Variants in MIER3 observed in about 807,000 individuals in gnomAD.
The protein encoded by MIER3 is MIER family member 3, also known as mesoderm induction early response protein 3.
MIER3 carries 9 observed loss-of-function variants against 63.2 expected under a neutral mutation model. That is an observed-to-expected ratio of 0.14 (90% CI 0.09 to 0.25). The LOEUF is 0.25. MIER3 is among the 10% of genes least tolerant of loss of function. The probability of loss-of-function intolerance (pLI) is 1.00; values close to 1 mark genes in which losing one functional copy is unlikely to be tolerated. For missense variants in MIER3, 512 were observed against 666.2 expected (o/e 0.77, Z 2.55); for synonymous variants, 205 against 224.9 (o/e 0.91, Z 0.79).
At chr5:56,940,970 T>C (rs774756256) in intron 3 of MIER3, 15 of 985,268 alleles carry the variant, frequency 1.5e-5, no homozygotes, top group African/African-American at 1.7e-5. Flanking sequence ...TCACACTCTC[T>C]CCCTGAAATG....
At chr5:56,930,560 A>G (rs1305710306) in intron 9 of MIER3, 104 bp downstream of exon 9, 6 of 924,754 alleles carry the variant, frequency 6.5e-6, no homozygotes, top group South Asian at 1.4e-5. Context: ...CAGATCTTAC[A>G]AAAGTGTTAC....
At chr5:56,941,313 T>G (rs1750638191) in intron 3 of MIER3, 2 of 206,022 alleles carry the variant, frequency 9.7e-6, no homozygotes, top group Admixed American at 1.3e-4. Context: ...AAGACTGAGC[T>G]AAGTCTTGAA....
intron 11 of MIER3, 39 bp downstream of exon 11, chr5:56,923,876 T>A (rs1427398007): frequency 6.2e-7 from 1 of 1,613,852 alleles, no homozygotes; most frequent in African/African-American, 1.3e-5. Flanking sequence ...TATATTACAG[T>A]TAAAAGTAAG....
chr5:56,938,845 A>T, intron 4 of MIER3, 38 bp downstream of exon 4: 1 of 1,602,810 alleles, frequency 6.2e-7, no homozygotes, highest in Non-Finnish European at 8.5e-7. Context: ...GTCAATGGTA[A>T]CAGACCCTGA....
At chr5:56,948,921 C>T (rs1750920546) in intron 2 of MIER3, among the ~76,000 whole-genome samples, 1 of 152,118 alleles carries the variant, frequency 6.6e-6, no homozygotes, top group Admixed American at 6.5e-5. Context: ...GGTCAAAAAT[C>T]GAAGGACCTG....
chr5:56,941,777 G>A (rs1403842255), intron 3 of MIER3, among the ~76,000 whole-genome samples: 1 of 152,104 alleles, frequency 6.6e-6, no homozygotes, highest in Non-Finnish European at 1.5e-5. Flanking sequence ...AGTTAAGAAG[G>A]GTGGAGAGAT....
intron 10 of MIER3, among the ~76,000 whole-genome samples, chr5:56,924,652 C>T (rs1283152690): frequency 6.6e-6 from 1 of 152,150 alleles, no homozygotes; most frequent in African/African-American, 2.4e-5. Context: ...GTTTTTAGAT[C>T]CAACAGATTT....
At chr5:56,937,400 A>G (rs74389167) in intron 5 of MIER3, among the ~76,000 whole-genome samples, 178 bp downstream of exon 5, 1,629 of 152,312 alleles carry the variant, frequency 0.011, 13 homozygotes, top group Non-Finnish European at 0.016. Flanking sequence ...TTTAAATGGC[A>G]TATTAGTTCA....
rs1222329397 is a variant in MIER3, at chr5:56,933,679, T to C, written c.596-281A>G. The stretch of plus-strand genomic sequence containing the variant: ...TCTCCATGCCTAGTAAAGTCTAATA[T>C]AAAACCCCATAGTGGTTATCTTATA... On this transcript the variant is annotated intron_variant, in intron 7 of 12. Coordinates refer to ENST00000381199, the MANE Select transcript of MIER3 (RefSeq NM_001297599.2). 3.3e-5 allele frequency among the ~76,000 whole-genome samples: 5 copies of C among 152,182 alleles called. No homozygotes were observed. In the East Asian group the frequency reaches 7.7e-4, roughly 23 times the overall value.
At chr5:56,951,804 G>C (rs1224490673) in intron 1 of MIER3, among the ~76,000 whole-genome samples, 1 of 151,796 alleles carries the variant, frequency 6.6e-6, no homozygotes, top group South Asian at 2.1e-4. Context: ...TCGTCCCTGG[G>C]GCAGGGCTCA....
In MIER3 at chr5:56,921,268, A is replaced by G. The variant is rs1249292457; in HGVS notation, c.*1860T>C. ...TGGCCAGTATCTTACTAAATTATAG[A>G]AAGTGTACTGATTTTTAATAAAAGA... On this transcript the variant is annotated 3_prime_UTR_variant, in exon 13 of 13. Coordinates refer to ENST00000381199, the MANE Select transcript of MIER3 (RefSeq NM_001297599.2). 6 of 152,546 alleles carry G rather than the reference A, an allele frequency of 3.9e-5. No homozygotes were observed. Among genetic ancestry groups the G allele is most frequent in the African/African-American group, 7.2e-5 (3 of 41,452 alleles). 9.4% of individuals were successfully genotyped at this position (152,546 alleles called of 1,614,324 possible). A position where few individuals can be genotyped will look rare whatever the true frequency, so the allele number is the denominator to read the frequency against.
In MIER3 at chr5:56,935,303, ACT is replaced by A. The variant is rs1750403990; in HGVS notation, c.595+123_595+124del. On this transcript the variant is annotated intron_variant, in intron 7 of 12. Coordinates refer to ENST00000381199, the MANE Select transcript of MIER3 (RefSeq NM_001297599.2). The stretch of plus-strand genomic sequence containing the variant: ...TCCTAAGTCAGGCCTAAAAATCCTA[ACT>A]CTGCATGTTTCCCAAATCTATCTAT... 6 of 739,278 alleles carry A rather than the reference ACT, an allele frequency of 8.1e-6. No homozygotes were observed. The South Asian group carries it at 1.4e-4, about 18-fold the overall frequency. The allele number at this position is 739,278 out of a possible 1,614,324, so 45.8% of individuals were successfully genotyped here.
chr5:56,919,613 A>T lies in MIER3; in HGVS notation c.*3515T>A, dbSNP rs1456120694. 1.3e-5 allele frequency: 2 copies of T among 152,640 alleles called. No homozygotes were observed. Among genetic ancestry groups the T allele is most frequent in the Non-Finnish European group, 2.9e-5 (2 of 68,026 alleles). The allele number at this position is 152,640 out of a possible 1,614,324, so 9.5% of individuals were successfully genotyped here. ...CACAAACCAAGAAAAAAAGATTCCC[A>T]GATTTTTATTTCTGGAACTGTACAC... On this transcript the variant is annotated 3_prime_UTR_variant, in exon 13 of 13. Transcript: ENST00000381199.
chr5:56,931,392 A>G (rs1750261189), intron 8 of MIER3, among the ~76,000 whole-genome samples: 1 of 152,178 alleles, frequency 6.6e-6, no homozygotes. Context: ...GAAAACTTTT[A>G]ATATATCAAT....
At chr5:56,925,218 AGT>A in intron 10 of MIER3, 1 of 342,784 alleles carries the variant, frequency 2.9e-6, no homozygotes, top group East Asian at 8.6e-5. Context: ...ACATACAGAA[AGT>A]GTGAAATTTT....
rs146741711 is a variant in MIER3 at position 56,942,193 on chromosome 5, A to G, written c.181-3176T>C. Among the ~76,000 whole-genome samples, 107 of 152,354 alleles carry G rather than the reference A, an allele frequency of 7.0e-4. 1 individual carries two copies. The highest frequency in any genetic ancestry group is 6.8e-3 in the Middle Eastern group (2 of 294). The stretch of plus-strand genomic sequence containing the variant: ...ATCTAGATGATATTTAAAGCCACAG[A>G]AGTTGATGAGCTCACCCACGGAGAG... On this transcript the variant is annotated intron_variant, in intron 3 of 12. Coordinates refer to ENST00000381199, the MANE Select transcript of MIER3 (RefSeq NM_001297599.2).
chr5:56,950,289 A>C (rs533723517), intron 2 of MIER3, among the ~76,000 whole-genome samples: 1 of 152,344 alleles, frequency 6.6e-6, no homozygotes, highest in Non-Finnish European at 1.5e-5. Flanking sequence ...AAGAAACCGA[A>C]GTTAAAATCT....
rs749421443 is a variant in MIER3, at chr5:56,923,149, G to A, written c.1632C>T (p.His544=). The change falls in exon 13 of 13, where the codon CAC becomes CAT. Residue 544 remains histidine, a synonymous_variant. Coordinates refer to ENST00000381199, the MANE Select transcript of MIER3 (RefSeq NM_001297599.2). ...GFISAHALHQ[H]AALHSE ...CAGGTCACTCAGAGTGTAGGGCCGC[G>A]TGCTGATGCAGAGCATGGGCACTGA... 47 of 1,613,842 alleles carry A rather than the reference G, an allele frequency of 2.9e-5. No individual in the cohort carries two copies. The highest frequency in any genetic ancestry group is 6.6e-5 in the South Asian group (6 of 91,084).
At chr5:56,925,736 G>T (rs919444215) in intron 10 of MIER3, among the ~76,000 whole-genome samples, 1 of 152,024 alleles carries the variant, frequency 6.6e-6, no homozygotes, top group Non-Finnish European at 1.5e-5. Context: ...GTTATTTTGT[G>T]GGTATCAACA....
Sources: allele counts gnomAD v4.1 joint callset (sites outside exome capture counted in the v4.1 genomes callset), GRCh38; gene constraint gnomAD v4.1.1; transcripts MANE v1.5; gene names NCBI Gene and HGNC (gene_info 2026-07-23, HGNC 2026-07-21).